RPS6KA1: variants seen among roughly 807,000 people sequenced by gnomAD.
RPS6KA1 encodes ribosomal protein S6 kinase alpha-1.
Under a neutral mutation model 91.3 loss-of-function variants are expected in RPS6KA1, and 48 were observed. That is an observed-to-expected ratio of 0.53 (90% CI 0.42 to 0.67). RPS6KA1 has a LOEUF of 0.67. RPS6KA1 is among the 30% of genes least tolerant of loss of function. RPS6KA1 has a pLI of 0.00. For missense variants in RPS6KA1, 719 were observed against 960.5 expected (o/e 0.75, Z 3.32); for synonymous variants, 359 against 384.7 (o/e 0.93, Z 0.78).
chr1:26,565,161 G>C (rs535579134), intron 17 of RPS6KA1, among the ~76,000 whole-genome samples: 11 of 152,280 alleles, frequency 7.2e-5, no homozygotes, highest in Non-Finnish European at 1.2e-4. Flanking sequence ...CGGGGCAGAT[G>C]ATGAGGAATG....
intron 1 of RPS6KA1, chr1:26,531,226 C>T (rs1316066291): frequency 6.4e-6 from 1 of 156,320 alleles, no homozygotes; most frequent in Non-Finnish European, 1.4e-5. Flanking sequence ...GTAAATTGCT[C>T]TGGGATTCCT....
chr1:26,531,837 CT>C (rs927017398), intron 1 of RPS6KA1, among the ~76,000 whole-genome samples: 1 of 152,186 alleles, frequency 6.6e-6, no homozygotes, highest in African/African-American at 2.4e-5. Flanking sequence ...CTGGTCCCCC[CT>C]CCCCCACTCC....
chr1:26,546,142 T>A, intron 2 of RPS6KA1: 1 of 1,339,216 alleles, frequency 7.5e-7, no homozygotes, highest in Non-Finnish European at 1.0e-6. Context: ...GGCCCAGGCC[T>A]GGCCCTGCAG....
At chr1:26,538,167 C>G (rs777001466) in intron 2 of RPS6KA1, among the ~76,000 whole-genome samples, 1 of 152,180 alleles carries the variant, frequency 6.6e-6, no homozygotes, top group Non-Finnish European at 1.5e-5. Flanking sequence ...AACCTTGGAC[C>G]AGCAGAGGCC....
chr1:26,546,000 G>A (rs971272152), intron 2 of RPS6KA1: 2 of 1,611,782 alleles, frequency 1.2e-6, no homozygotes, highest in African/African-American at 1.3e-5. Context: ...CTCTCTGCCT[G>A]TCCCTGGCCC....
At chr1:26,544,128 G>T (rs770714292) in intron 2 of RPS6KA1, 77 of 456,148 alleles carry the variant, frequency 1.7e-4, no homozygotes, top group Admixed American at 9.4e-5. Flanking sequence ...GGGGATCCCT[G>T]CCCTGCTGCC....
At chr1:26,552,386 C>CAAAAA (rs1197852280) in intron 6 of RPS6KA1, among the ~76,000 whole-genome samples, 5 of 54,908 alleles carry the variant, frequency 9.1e-5, no homozygotes, top group Admixed American at 2.6e-4. Context: ...GACTCTGTCT[C>CAAAAA]AAAAAAAAAA....
chr1:26,572,852 C>T (rs970461415), intron 20 of RPS6KA1, among the ~76,000 whole-genome samples: 1 of 152,208 alleles, frequency 6.6e-6, no homozygotes, highest in African/African-American at 2.4e-5. Flanking sequence ...TATTTCTCAG[C>T]AGGGAAACTG....
chr1:26,530,691 GTTTGGC>G, intron 1 of RPS6KA1: 3 of 1,235,682 alleles, frequency 2.4e-6, no homozygotes, highest in Non-Finnish European at 3.1e-6. Flanking sequence ...CCCTTGGGGA[GTTTGGC>G]TTCTGCCAGC....
chr1:26,548,756 G>T (rs551429743), intron 4 of RPS6KA1, among the ~76,000 whole-genome samples: 2 of 150,848 alleles, frequency 1.3e-5, no homozygotes, highest in Non-Finnish European at 2.9e-5. Flanking sequence ...CCGAGATCGC[G>T]CCACCATACT....
chr1:26,538,331 T>A (rs1230869078), intron 2 of RPS6KA1, among the ~76,000 whole-genome samples: 4 of 152,120 alleles, frequency 2.6e-5, no homozygotes, highest in African/African-American at 9.7e-5. Context: ...AGGGCTGAGG[T>A]TCTGGGGGTT....
Position 26,551,983 on chromosome 1 carries a change from G to A in RPS6KA1, c.468+260G>A, listed in dbSNP as rs2076054568. ...CACCTCTGCACCTGCCTTCTTCCAGGGCTGCTCTGGGCAGAGGTGTGAAGA... is the reference window on the plus strand; with the variant it reads ...CACCTCTGCACCTGCCTTCTTCCAGAGCTGCTCTGGGCAGAGGTGTGAAGA... On this transcript the variant is annotated intron_variant, in intron 6 of 21. Coordinates refer to ENST00000374168, the MANE Select transcript of RPS6KA1 (RefSeq NM_002953.4). The surrounding 1 kb of genome is among the most constrained non-coding windows in gnomAD (Gnocchi z 4.5). Among the ~76,000 whole-genome samples the A allele has an allele frequency of 6.6e-6, 1 of 152,196 alleles. No homozygotes were observed. The highest frequency in any genetic ancestry group is 2.4e-5 in the African/African-American group (1 of 41,434).
In RPS6KA1 at chr1:26,547,213, C is replaced by T. The variant is rs749505421; in HGVS notation, c.250C>T (p.Arg84Trp). ...GGTCTTCCTGGTGCGGAAAGTCACCCGGCCTGACAGTGGGCACCTGTATGC... is the reference window on the plus strand; with the variant it reads ...GGTCTTCCTGGTGCGGAAAGTCACCTGGCCTGACAGTGGGCACCTGTATGC... Reference protein sequence around the residue: ...GKVFLVRKVTRPDSGHLYAMK... With the variant: ...GKVFLVRKVTWPDSGHLYAMK... Residue 84 changes from arginine to tryptophan, a missense_variant, in exon 4 of 22, where the codon CGG becomes TGG. By Grantham distance (101) the Arg-to-Trp change is moderately radical. This residue lies in a region of RPS6KA1 where 159 missense variants were observed against 264.5 expected (regional missense o/e 0.60). Coordinates refer to ENST00000374168, the MANE Select transcript of RPS6KA1 (RefSeq NM_002953.4). The surrounding 1 kb of genome is among the most constrained non-coding windows in gnomAD (Gnocchi z 4.1). 7 of 1,614,056 alleles carry T rather than the reference C, an allele frequency of 4.3e-6. No homozygotes were observed. Among genetic ancestry groups the T allele is most frequent in the Non-Finnish European group, 4.2e-6 (5 of 1,180,022 alleles).
intron 1 of RPS6KA1, among the ~76,000 whole-genome samples, chr1:26,533,434 G>C (rs534999588): frequency 6.6e-6 from 1 of 152,136 alleles, no homozygotes; most frequent in Non-Finnish European, 1.5e-5. Flanking sequence ...GGCCACGCGT[G>C]GTGGCTCATG....
intron 2 of RPS6KA1, among the ~76,000 whole-genome samples, chr1:26,538,587 C>T (rs751402935): frequency 1.1e-4 from 16 of 152,214 alleles, no homozygotes; most frequent in Admixed American, 2.0e-4. Context: ...TGCCTAGCAT[C>T]ATACCAGGTG....
In RPS6KA1 at chr1:26,551,224, A is replaced by G. The variant is rs1300756303; in HGVS notation, c.308-173A>G. Among the ~76,000 whole-genome samples, 3 of 152,132 alleles carry G rather than the reference A, an allele frequency of 2.0e-5. No individual in the cohort carries two copies. The highest frequency in any genetic ancestry group is 2.1e-4 in the South Asian group (1 of 4,826). On this transcript the variant is annotated intron_variant, in intron 4 of 21. Coordinates refer to ENST00000374168, the MANE Select transcript of RPS6KA1 (RefSeq NM_002953.4). The surrounding 1 kb of genome is among the most constrained non-coding windows in gnomAD (Gnocchi z 4.5). ...CAAGGAGCCAGCCAAGGAGCCAGAA[A>G]CAGACTGGCAAGGAGGAAACCTGAG...
rs1224187333 is a variant in RPS6KA1, at chr1:26,558,574, A to T, written c.1085-233A>T. 6.6e-6 allele frequency among the ~76,000 whole-genome samples: 1 copy of T among 152,168 alleles called. No homozygotes were observed. The highest frequency in any genetic ancestry group is 2.4e-5 in the African/African-American group (1 of 41,442). On this transcript the variant is annotated intron_variant, in intron 13 of 21. Transcript: ENST00000374168. This position sits in a 1 kb window ranked among gnomAD's most constrained non-coding sequence, Gnocchi z 4.0. ...AAGGGATGAACTGTCTTGGCCTGGG[A>T]TGGAGGTGGATGTGAGAGTCTTTTT...
chr1:26,561,545 T>A lies in RPS6KA1; in HGVS notation c.1472T>A (p.Leu491Gln), dbSNP rs369431738. ...DGKHVYLVTE[L>Q]MRGGELLDKI... ...AAACACGTGTACCTGGTGACAGAGC[T>A]GATGCGGGGTGGGGAGCTGCTGGAC... Residue 491 changes from leucine to glutamine, a missense_variant, in exon 17 of 22, where the codon CTG becomes CAG. Transcript: ENST00000374168. This position sits in a 1 kb window ranked among gnomAD's most constrained non-coding sequence, Gnocchi z 5.7. 3.7e-6 allele frequency: 6 copies of A among 1,613,906 alleles called. No homozygotes were observed. The highest frequency in any genetic ancestry group is 4.2e-6 in the Non-Finnish European group (5 of 1,179,990).
intron 13 of RPS6KA1, among the ~76,000 whole-genome samples, chr1:26,557,823 C>T (rs1339373917): frequency 7.4e-6 from 1 of 135,164 alleles, no homozygotes; most frequent in East Asian, 2.4e-4. Flanking sequence ...CCTCTCCTTC[C>T]CTTCCCTCTC....
Sources: gnomAD v4.1 joint callset for allele counts (sites outside exome capture counted in the v4.1 genomes callset) on GRCh38, gnomAD v4.1.1 for gene constraint, gnomAD v4.1.1 regional missense constraint, Gnocchi (gnomAD v3.1) non-coding constraint, MANE v1.5 for transcripts, NCBI Gene and HGNC (gene_info 2026-07-23, HGNC 2026-07-21) for gene names.